Variants in MSANTD2 observed in about 807,000 individuals in gnomAD.
The protein encoded by MSANTD2 is Myb/SANT DNA binding domain containing 2.
In MSANTD2, 19 loss-of-function variants were observed where a neutral mutation model predicts 52.6. The ratio of observed to expected loss-of-function variants is 0.36; its 90% CI spans 0.25 to 0.53. MSANTD2 has a LOEUF of 0.53. Among genes scored for constraint, MSANTD2 ranks in the 20% least tolerant of loss-of-function variants. The pLI is 0.91. For synonymous variants in MSANTD2, 291 were observed against 289.7 expected (o/e 1.00, Z -0.04); for missense variants, 558 against 716.3 (o/e 0.78, Z 2.52).
intron 1 of MSANTD2, chr11:124,784,408 T>C: frequency 1.0e-6 from 1 of 985,346 alleles, no homozygotes; most frequent in Non-Finnish European, 1.2e-6. Flanking sequence ...GGAGAACCAG[T>C]CTTCGTTAAA....
chr11:124,794,099 C>T (rs147548415), intron 1 of MSANTD2, among the ~76,000 whole-genome samples: 2 of 152,276 alleles, frequency 1.3e-5, no homozygotes, highest in East Asian at 1.9e-4. Flanking sequence ...TGACCAGTGG[C>T]TATCATACTG....
At chr11:124,781,652 C>CTT (rs571106311) in intron 1 of MSANTD2, among the ~76,000 whole-genome samples, 9 of 134,198 alleles carry the variant, frequency 6.7e-5, no homozygotes, top group South Asian at 2.3e-4. Context: ...TCATCAATGT[C>CTT]TTTTTTTTTT....
chr11:124,791,988 T>C (rs529937112), intron 1 of MSANTD2: 6 of 176,876 alleles, frequency 3.4e-5, no homozygotes, highest in South Asian at 2.4e-4. Context: ...GCATGGCACA[T>C]AGAAAATACT....
intron 1 of MSANTD2, among the ~76,000 whole-genome samples, chr11:124,799,591 T>G (rs1043590779): frequency 6.7e-6 from 1 of 149,346 alleles, no homozygotes; most frequent in Admixed American, 6.7e-5. Context: ...CGGCGCACAA[T>G]GAGAAACTAC....
In MSANTD2 at chr11:124,779,546, G is replaced by A. The variant is rs1475570205; in HGVS notation, c.511-4572C>T. Among the ~76,000 whole-genome samples the A allele has an allele frequency of 6.6e-6, 1 of 152,172 alleles. No individual in the cohort carries two copies. The highest frequency in any genetic ancestry group is 1.5e-5 in the Non-Finnish European group (1 of 68,028). On this transcript the variant is annotated intron_variant, in intron 1 of 3. Transcript: ENST00000374979. This position sits in a 1 kb window ranked among gnomAD's most constrained non-coding sequence, Gnocchi z 4.6. ...TATAACGTGGAGGAACAGAAATAAG[G>A]CATAACAGCTATATAAATGTATTGT...
chr11:124,777,764 G>A (rs1944798500), intron 1 of MSANTD2, among the ~76,000 whole-genome samples: 1 of 152,168 alleles, frequency 6.6e-6, no homozygotes, highest in African/African-American at 2.4e-5. Flanking sequence ...ATAGGAATTT[G>A]ATGTATTGAA....
chr11:124,782,551 C>A (rs1262981997), intron 1 of MSANTD2, among the ~76,000 whole-genome samples: 1 of 152,124 alleles, frequency 6.6e-6, no homozygotes, highest in Non-Finnish European at 1.5e-5. Context: ...AATGAGGAAG[C>A]AAGGCCCAAA....
At position 124,799,950 on chromosome 11, in the gene MSANTD2, G is replaced by A. The variant is rs1945636152; in HGVS notation, c.431C>T (p.Ala144Val). 5 of 1,585,576 alleles carry A rather than the reference G, an allele frequency of 3.2e-6. No individual in the cohort carries two copies. Among genetic ancestry groups the A allele is most frequent in the Non-Finnish European group, 4.3e-6 (5 of 1,174,612 alleles). Residue 144 changes from alanine (A) to valine (V), a missense_variant, in exon 1 of 4, where the codon GCC (alanine) becomes GTC (valine). Around this residue, in one of 2 missense-constraint regions of MSANTD2, gnomAD observed 408 missense variants for 573.6 expected, o/e 0.71. Transcript: ENST00000374979. Reference protein sequence around the residue: ...TVFGSKAPGPAMYERVSRALA... With the variant: ...TVFGSKAPGPVMYERVSRALA... ...GGCCCGGGACACGCGCTCGTACATG[G>A]CTGGCCCGGGGGCCTTGCTGCCGAA...
In MSANTD2 at chr11:124,767,217, G is replaced by C. The variant is rs1193391008; in HGVS notation, c.1639C>G (p.Leu547Val). ...FLSAGSLVEC[L>V]EKAIGYPLKF... ...AAGGGGTATCCAATGGCTTTTTCCA[G>C]GCACTCAACTAAAGAGCCTGCGGAA... Residue 547 changes from leucine to valine, a missense_variant, in exon 4 of 4, where the codon CTG becomes GTG. Leu to Val is a conservative substitution (Grantham distance 32, BLOSUM62 1). Around this residue, in one of 2 missense-constraint regions of MSANTD2, gnomAD observed 408 missense variants for 573.6 expected, o/e 0.71. Transcript: ENST00000374979. The surrounding 1 kb of genome is among the most constrained non-coding windows in gnomAD (Gnocchi z 6.5). The C allele has an allele frequency of 1.2e-6, 2 of 1,610,376 alleles. No individual in the cohort carries two copies. The highest frequency in any genetic ancestry group is 1.7e-6 in the Non-Finnish European group (2 of 1,179,080).
intron 1 of MSANTD2, 80 bp from the exon 2 acceptor site, chr11:124,775,054 TAGACAGACAC>T (rs1180476796): frequency 3.4e-5 from 44 of 1,313,274 alleles, no homozygotes; most frequent in Non-Finnish European, 4.3e-5. Flanking sequence ...TAATTACTAT[TAGACAGACAC>T]AGACAGACAA....
rs1282059841 is a variant in MSANTD2 at position 124,774,845 on chromosome 11, G to A, written c.640C>T (p.Leu214Phe). 3.7e-6 allele frequency: 6 copies of A among 1,613,964 alleles called. No individual in the cohort carries two copies. The highest frequency in any genetic ancestry group is 5.1e-6 in the Non-Finnish European group (6 of 1,180,044). Reference sequence around the variant, plus strand: ...TGGTACAAGCCACTACTGTTAATAAGTACAGGCTGGCAGGGCTGAGCATCC... The same window carrying A: ...TGGTACAAGCCACTACTGTTAATAAATACAGGCTGGCAGGGCTGAGCATCC... ...GWDAQPCQPV[L>F]INSSGLYQEL... Residue 214 changes from leucine to phenylalanine, a missense_variant, in exon 2 of 4, where the codon CTT becomes TTT. This residue lies in a region of MSANTD2 where 408 missense variants were observed against 573.6 expected (regional missense o/e 0.71). Coordinates refer to ENST00000374979, the MANE Select transcript of MSANTD2 (RefSeq NM_001308027.2). The surrounding 1 kb of genome is among the most constrained non-coding windows in gnomAD (Gnocchi z 5.1).
At chr11:124,770,004 C>A (rs1050922724) in intron 3 of MSANTD2, among the ~76,000 whole-genome samples, 11 of 152,198 alleles carry the variant, frequency 7.2e-5, no homozygotes, top group African/African-American at 2.7e-4. Context: ...AAGATTCAAA[C>A]CAGCATTTCA....
In MSANTD2 at chr11:124,767,773, G is replaced by T; in HGVS notation, c.1083C>A (p.Thr361=). ...SEKPEGRIIM[T]RVQKMNWKNV... Reference sequence around the variant, plus strand: ...TTTTCCAGTTCATTTTCTGCACTCGGGTCATAATGATCCGTCCTTCAGGCT... The same window carrying T: ...TTTTCCAGTTCATTTTCTGCACTCGTGTCATAATGATCCGTCCTTCAGGCT... Residue 361 remains threonine, a synonymous_variant, in exon 4 of 4, where the codon ACC becomes ACA. Transcript: ENST00000374979. The surrounding 1 kb of genome is among the most constrained non-coding windows in gnomAD (Gnocchi z 6.5). The T allele has an allele frequency of 1.2e-6, 2 of 1,614,168 alleles. No homozygotes were observed. The highest frequency in any genetic ancestry group is 2.2e-5 in the East Asian group (1 of 44,884).
intron 1 of MSANTD2, among the ~76,000 whole-genome samples, chr11:124,797,646 C>CATTA (rs1945537185): frequency 6.6e-6 from 1 of 152,182 alleles, no homozygotes; most frequent in Non-Finnish European, 1.5e-5. Context: ...AGTCTGGGTT[C>CATTA]TTTGATTGAA....
chr11:124,774,846 T>C lies in MSANTD2; in HGVS notation c.639A>G (p.Val213=), dbSNP rs1944680127. 2 of 1,613,998 alleles carry C rather than the reference T, an allele frequency of 1.2e-6. No individual in the cohort carries two copies. Among genetic ancestry groups the C allele is most frequent in the African/African-American group, 2.7e-5 (2 of 74,920 alleles). ...GGWDAQPCQP[V]LINSSGLYQE... is the part of the protein sequence containing the mutation. ...GGTACAAGCCACTACTGTTAATAAG[T>C]ACAGGCTGGCAGGGCTGAGCATCCC... The change falls in exon 2 of 4, where the codon GTA becomes GTG. Residue 213 remains valine (V), a synonymous_variant. Transcript: ENST00000374979. The surrounding 1 kb of genome is among the most constrained non-coding windows in gnomAD (Gnocchi z 5.1).
intron 1 of MSANTD2, among the ~76,000 whole-genome samples, chr11:124,778,618 T>C (rs1011648409): frequency 1.3e-5 from 2 of 152,108 alleles, no homozygotes; most frequent in Non-Finnish European, 2.9e-5. Flanking sequence ...TGGTATTTGA[T>C]TTGGAAGCAA....
At chr11:124,772,460 G>T (rs1944561743) in intron 3 of MSANTD2, among the ~76,000 whole-genome samples, 1 of 152,196 alleles carries the variant, frequency 6.6e-6, no homozygotes, top group Non-Finnish European at 1.5e-5. Flanking sequence ...ACATCTGGCT[G>T]GGTGCGGTGG....
chr11:124,789,254 G>A (rs1420298307), intron 1 of MSANTD2: 1 of 152,110 alleles, frequency 6.6e-6, no homozygotes, highest in Non-Finnish European at 1.5e-5. Flanking sequence ...GGGTAGATAT[G>A]AACTTTTATT....
In MSANTD2 at chr11:124,779,900, CTAAT is replaced by C. The variant is rs1464441974; in HGVS notation, c.511-4930_511-4927del. ...TACATTGGGAGTAAATTTCCAGTGA[CTAAT>C]TTTCTTATAAAATTGTTAAAAATGA... On this transcript the variant is annotated intron_variant, in intron 1 of 3. Coordinates refer to ENST00000374979, the MANE Select transcript of MSANTD2 (RefSeq NM_001308027.2). This position sits in a 1 kb window ranked among gnomAD's most constrained non-coding sequence, Gnocchi z 4.6. Among the ~76,000 whole-genome samples the C allele has an allele frequency of 6.6e-6, 1 of 152,178 alleles. No individual in the cohort carries two copies. The highest frequency in any genetic ancestry group is 1.5e-5 in the Non-Finnish European group (1 of 68,014).
Sources: allele counts gnomAD v4.1 joint callset (sites outside exome capture counted in the v4.1 genomes callset), GRCh38; gene constraint gnomAD v4.1.1; regional missense constraint gnomAD v4.1.1; non-coding constraint Gnocchi (gnomAD v3.1); transcripts MANE v1.5; gene names NCBI Gene and HGNC (gene_info 2026-07-23, HGNC 2026-07-21).